IQSEC2: variants seen among roughly 807,000 people sequenced by gnomAD.
IQSEC2 encodes the protein IQ motif and SEC7 domain-containing protein 2.
Under a neutral mutation model 74.6 loss-of-function variants are expected in IQSEC2, and 6 were observed. The ratio of observed to expected loss-of-function variants is 0.08; its 90% CI spans 0.04 to 0.16. The LOEUF (loss-of-function observed/expected upper bound fraction) is 0.16, where lower values mean the gene tolerates loss of function less well. IQSEC2 is among the 10% of genes least tolerant of loss of function. The pLI is 1.00. For missense variants in IQSEC2, 734 were observed against 1,306.2 expected (o/e 0.56, Z 6.75); for synonymous variants, 494 against 544.5 (o/e 0.91, Z 1.29).
At chrX:53,260,860 G>A (rs781835951) in intron 2 of IQSEC2, among the ~76,000 whole-genome samples, 1 of 111,824 alleles carries the variant, frequency 8.9e-6, no homozygotes, top group East Asian at 2.8e-4. Flanking sequence ...AGGTCACATA[G>A]CTATTAAGTA....
intron 2 of IQSEC2, among the ~76,000 whole-genome samples, chrX:53,264,387 G>A (rs1208742588): frequency 2.9e-5 from 3 of 102,311 alleles, no homozygotes; most frequent in African/African-American, 1.1e-4. Context: ...CAATTCAGTT[G>A]CCCACGGGTC....
chrX:53,299,955 TTAC>T (rs2075194022), intron 1 of IQSEC2, among the ~76,000 whole-genome samples: 1 of 110,784 alleles, frequency 9.0e-6, no homozygotes. Flanking sequence ...AGACAGGGTT[TTAC>T]TATGTTGCCC....
chrX:53,243,223 G>A (rs1338189294), intron 9 of IQSEC2, 109 bp downstream of exon 9: 3 of 598,650 alleles, frequency 5.0e-6, no homozygotes, highest in Non-Finnish European at 8.1e-6. Flanking sequence ...CACCCACTCT[G>A]TATTGCAGGT....
intron 11 of IQSEC2, among the ~76,000 whole-genome samples, chrX:53,238,936 G>A (rs1181905677): frequency 1.8e-5 from 2 of 111,061 alleles, no homozygotes; most frequent in African/African-American, 6.5e-5. Flanking sequence ...ATCCTTCAGA[G>A]CACAGCATGA....
intron 1 of IQSEC2, among the ~76,000 whole-genome samples, chrX:53,311,437 CATAGGTT>C (rs782268710): frequency 5.8e-4 from 64 of 111,214 alleles, no homozygotes; most frequent in Middle Eastern, 4.7e-3. Context: ...TTTCTCCCCA[CATAGGTT>C]ATCTCTACTC....
chrX:53,311,806 C>T (rs1415985090), intron 1 of IQSEC2, among the ~76,000 whole-genome samples: 2 of 111,953 alleles, frequency 1.8e-5, no homozygotes, highest in African/African-American at 6.5e-5. Flanking sequence ...ATCCCAGCTA[C>T]TCGGGAGGCT....
At chrX:53,269,006 C>T (rs1378074157) in intron 2 of IQSEC2, among the ~76,000 whole-genome samples, 1 of 112,196 alleles carries the variant, frequency 8.9e-6, no homozygotes, top group African/African-American at 3.2e-5. Flanking sequence ...TTATAACGGC[C>T]ATTATAGTGG....
chrX:53,308,035 G>T, intron 1 of IQSEC2, among the ~76,000 whole-genome samples: 1 of 108,839 alleles, frequency 9.2e-6, no homozygotes, highest in African/African-American at 3.3e-5. Context: ...ATAGTGGTGG[G>T]CACCTGTAGT....
In IQSEC2 at chrX:53,234,635, G is replaced by A. The variant is rs1033962543; in HGVS notation, c.4051C>T (p.Pro1351Ser). The A allele has an allele frequency of 7.9e-6, 9 of 1,138,031 alleles. No individual in the cohort carries two copies. The highest frequency in any genetic ancestry group is 1.0e-5 in the Non-Finnish European group (9 of 858,302). The allele number at this position is 1,138,031 out of a possible 1,213,427, so 93.8% of individuals were successfully genotyped here. Residue 1351 changes from proline (P) to serine (S), a missense_variant, in exon 15 of 15, where the codon CCT (proline) becomes TCT (serine). Pro to Ser is a moderately conservative substitution (Grantham distance 74). Around this residue, in one of 12 missense-constraint regions of IQSEC2, gnomAD observed 249 missense variants for 467.9 expected, o/e 0.53. Coordinates refer to ENST00000642864, the MANE Select transcript of IQSEC2 (RefSeq NM_001111125.3). Reference protein sequence around the residue: ...RAPRRGAGGHPQFAPHGRHPL... With the variant: ...RAPRRGAGGHSQFAPHGRHPL... ...TGGCGGCCATGTGGAGCAAACTGAG[G>A]GTGTCCTCCAGCCCCCCGTCTGGGT...
intron 2 of IQSEC2, among the ~76,000 whole-genome samples, chrX:53,263,449 C>T (rs1556866953): frequency 9.0e-6 from 1 of 111,239 alleles, no homozygotes; most frequent in Admixed American, 9.5e-5. Context: ...TCAGAAGCCC[C>T]TCTGAATCTG....
chrX:53,230,924 T>G (rs888366210), downstream of IQSEC2: 1 of 111,482 alleles, frequency 9.0e-6, no homozygotes, highest in Non-Finnish European at 1.9e-5. Context: ...GGGACTGCAA[T>G]GAGGACTGGA....
At chrX:53,310,911 G>A (rs994022912) in intron 1 of IQSEC2, among the ~76,000 whole-genome samples, 1 of 107,571 alleles carries the variant, frequency 9.3e-6, no homozygotes, top group African/African-American at 3.4e-5. Flanking sequence ...ACCTGAGGTC[G>A]GGAGTTCGAG....
At position 53,248,107 on chromosome X, in the gene IQSEC2, G is replaced by T; in HGVS notation, c.2582+7C>A. 2.5e-6 allele frequency: 3 copies of T among 1,211,335 alleles called. No homozygotes were observed. Among genetic ancestry groups the T allele is most frequent in the Non-Finnish European group, 3.4e-6 (3 of 895,241 alleles). On this transcript the variant is annotated splice_region_variant and intron_variant, in intron 7 of 14. Transcript: ENST00000642864. ...GGGGCAGCTTCGCGAGTGGGAGGTA[G>T]GCACACCTGAAGGCTTCGATGAGTC... is the stretch of plus-strand genomic sequence containing the variant.
At chrX:53,274,089 T>C (rs1356539250) in intron 2 of IQSEC2, among the ~76,000 whole-genome samples, 3 of 112,654 alleles carry the variant, frequency 2.7e-5, no homozygotes, top group Admixed American at 9.4e-5. Context: ...TTGAGAAGCA[T>C]ATATCATGCA....
At chrX:53,291,334 AAAAAT>A (rs781834335) in intron 2 of IQSEC2, among the ~76,000 whole-genome samples, 13 of 111,626 alleles carry the variant, frequency 1.2e-4, no homozygotes, top group East Asian at 2.8e-4. Flanking sequence ...TAACAACAAC[AAAAAT>A]AAAATAAAAT....
chrX:53,242,964 C>T (rs2074247679), intron 9 of IQSEC2, among the ~76,000 whole-genome samples: 1 of 111,203 alleles, frequency 9.0e-6, no homozygotes, highest in Non-Finnish European at 1.9e-5. Flanking sequence ...TCTGGAACTC[C>T]TGACCTGAGG....
intron 1 of IQSEC2, among the ~76,000 whole-genome samples, chrX:53,308,834 A>G (rs1176573532): frequency 9.1e-6 from 1 of 110,391 alleles, no homozygotes; most frequent in Non-Finnish European, 1.9e-5. Flanking sequence ...GCAGTGGCTC[A>G]CCCCTGCAAT....
chrX:53,232,574 A>G (rs2074069957), downstream of IQSEC2, among the ~76,000 whole-genome samples: 1 of 111,891 alleles, frequency 8.9e-6, no homozygotes, highest in Admixed American at 9.5e-5. Flanking sequence ...CAAGTTTTAC[A>G]CTGAGGAAAC....
intron 10 of IQSEC2, among the ~76,000 whole-genome samples, chrX:53,240,353 C>T (rs898744831): frequency 8.9e-6 from 1 of 111,989 alleles, no homozygotes; most frequent in Admixed American, 9.4e-5. Context: ...CTACAGTGCA[C>T]AGGACAGTCC....
Sources: gnomAD v4.1 joint callset for allele counts (sites outside exome capture counted in the v4.1 genomes callset) on GRCh38, gnomAD v4.1.1 for gene constraint, gnomAD v4.1.1 regional missense constraint, MANE v1.5 for transcripts, NCBI Gene and HGNC (gene_info 2026-07-23, HGNC 2026-07-21) for gene names.